The following FGF12 variants were observed in gnomAD, a reference collection of about 807,000 sequenced individuals.
FGF12 encodes fibroblast growth factor 12B.
In FGF12, 14 loss-of-function variants were observed where a neutral mutation model predicts 23.6. That is an observed-to-expected ratio of 0.59 (90% CI 0.39 to 0.93). The LOEUF is 0.93. FGF12 is among the 40% of genes least tolerant of loss of function. FGF12 has a pLI of 0.00. For missense variants in FGF12, 175 were observed against 217.8 expected (o/e 0.80, Z 1.24); for synonymous variants, 62 against 77.3 (o/e 0.80, Z 1.04).
chr3:192,630,616 G>T (rs761943691), intron 2 of FGF12, among the ~76,000 whole-genome samples: 1 of 149,450 alleles, frequency 6.7e-6, no homozygotes, highest in Non-Finnish European at 1.5e-5. Flanking sequence ...GCAGTGGCGC[G>T]ATCTCGGCTC....
chr3:192,266,700 C>T (rs896275068), intron 4 of FGF12, among the ~76,000 whole-genome samples: 1 of 151,784 alleles, frequency 6.6e-6, no homozygotes, highest in Non-Finnish European at 1.5e-5. Context: ...CCATTTTTTT[C>T]TGCTGCTCAA....
chr3:192,629,647 T>C (rs928788144), intron 2 of FGF12, among the ~76,000 whole-genome samples: 5 of 151,790 alleles, frequency 3.3e-5, no homozygotes, highest in East Asian at 1.9e-4. Flanking sequence ...GCCAATAAAC[T>C]TCTTTATTGG....
At chr3:192,383,369 T>C (rs1719907988) in intron 2 of FGF12, among the ~76,000 whole-genome samples, 1 of 152,014 alleles carries the variant, frequency 6.6e-6, no homozygotes, top group African/African-American at 2.4e-5. Flanking sequence ...CTTTATAATA[T>C]TCATGTGCTG....
At chr3:192,145,590 G>C (rs1713651218) in intron 5 of FGF12, among the ~76,000 whole-genome samples, 1 of 152,202 alleles carries the variant, frequency 6.6e-6, no homozygotes, top group South Asian at 2.1e-4. Context: ...ACTACACTCT[G>C]AGTAGCAGAA....
chr3:192,499,489 C>A (rs1724056786), intron 2 of FGF12, among the ~76,000 whole-genome samples: 1 of 59,942 alleles, frequency 1.7e-5, no homozygotes, highest in Admixed American at 2.0e-4. Context: ...TTGTTGCTAG[C>A]ATCCATATAT....
At chr3:192,300,472 C>G (rs1715278978) in intron 4 of FGF12, among the ~76,000 whole-genome samples, 1 of 152,030 alleles carries the variant, frequency 6.6e-6, no homozygotes, top group East Asian at 1.9e-4. Flanking sequence ...AATCTATTAC[C>G]TTCCAAATGC....
intron 4 of FGF12, among the ~76,000 whole-genome samples, chr3:192,305,989 T>C (rs1490342762): frequency 6.7e-6 from 1 of 149,390 alleles, no homozygotes; most frequent in Non-Finnish European, 1.5e-5. Flanking sequence ...GCCTCCCAAG[T>C]AGCTGGGACT....
chr3:192,576,267 A>G (rs995678757), intron 2 of FGF12, among the ~76,000 whole-genome samples: 1 of 152,334 alleles, frequency 6.6e-6, no homozygotes, highest in East Asian at 1.9e-4. Context: ...TTTCATATTC[A>G]CCATATGATT....
chr3:192,478,631 T>A (rs1723395080), intron 2 of FGF12, among the ~76,000 whole-genome samples: 1 of 152,178 alleles, frequency 6.6e-6, no homozygotes, highest in Admixed American at 6.6e-5. Flanking sequence ...TATTAATCAT[T>A]TTCAGTTTTC....
intron 4 of FGF12, among the ~76,000 whole-genome samples, chr3:192,228,154 C>T (rs550490581): frequency 2.7e-5 from 4 of 150,562 alleles, no homozygotes; most frequent in African/African-American, 7.3e-5. Flanking sequence ...TAAATGTTCT[C>T]GCCAAAAAAA....
chr3:192,290,265 T>C (rs1006916632), intron 4 of FGF12, among the ~76,000 whole-genome samples: 2 of 152,176 alleles, frequency 1.3e-5, no homozygotes, highest in African/African-American at 4.8e-5. Flanking sequence ...ACTTTGTACA[T>C]ATATATCAAA....
At chr3:192,338,679 T>C (rs1385591935) in intron 3 of FGF12, among the ~76,000 whole-genome samples, 1 of 152,184 alleles carries the variant, frequency 6.6e-6, no homozygotes, top group Admixed American at 6.5e-5. Flanking sequence ...GAGAGCTTTG[T>C]GGAGCAGTGG....
chr3:192,200,487 A>G (rs1221744417), intron 4 of FGF12, among the ~76,000 whole-genome samples: 1 of 150,918 alleles, frequency 6.6e-6, no homozygotes, highest in Non-Finnish European at 1.5e-5. Context: ...CCAAGAGATA[A>G]CATGTAATAC....
intron 2 of FGF12, among the ~76,000 whole-genome samples, chr3:192,416,870 T>C (rs1418082258): frequency 1.3e-5 from 2 of 152,130 alleles, no homozygotes; most frequent in Non-Finnish European, 2.9e-5. Context: ...CAGATAGATA[T>C]AGATAGGTAT....
At chr3:192,233,642 A>G (rs1719137593) in intron 4 of FGF12, among the ~76,000 whole-genome samples, 1 of 152,060 alleles carries the variant, frequency 6.6e-6, no homozygotes, top group African/African-American at 2.4e-5. Context: ...CCAGAGTGGT[A>G]TTTCCTAGAT....
At chr3:192,196,980 T>TG (rs1314905903) in intron 4 of FGF12, among the ~76,000 whole-genome samples, 6 of 152,166 alleles carry the variant, frequency 3.9e-5, no homozygotes, top group African/African-American at 1.2e-4. Flanking sequence ...ATGAGATGCT[T>TG]GGGGTTTCTG....
At chr3:192,472,597 C>T (rs1490905435) in intron 2 of FGF12, among the ~76,000 whole-genome samples, 13 of 152,048 alleles carry the variant, frequency 8.5e-5, no homozygotes, top group Non-Finnish European at 1.9e-4. Flanking sequence ...CTGGAAATTC[C>T]CAAAAGGCTA....
intron 2 of FGF12, among the ~76,000 whole-genome samples, chr3:192,613,910 G>A (rs1577079622): frequency 6.6e-6 from 1 of 151,780 alleles, no homozygotes; most frequent in Non-Finnish European, 1.5e-5. Flanking sequence ...TTACACAAAG[G>A]AATGTAAATT....
At chr3:192,307,949 G>A (rs1715736316) in intron 4 of FGF12, among the ~76,000 whole-genome samples, 2 of 152,054 alleles carry the variant, frequency 1.3e-5, no homozygotes, top group South Asian at 4.1e-4. Flanking sequence ...TTCATTTTGT[G>A]AAGAATAAGA....
Sources: allele counts gnomAD v4.1 joint callset (sites outside exome capture counted in the v4.1 genomes callset), GRCh38; gene constraint gnomAD v4.1.1; transcripts MANE v1.5; gene names NCBI Gene and HGNC (gene_info 2026-07-23, HGNC 2026-07-21).